IGF1R: variants seen among roughly 807,000 people sequenced by gnomAD.
The protein encoded by IGF1R is insulin-like growth factor 1 receptor.
In IGF1R, 44 loss-of-function variants were observed where a neutral mutation model predicts 144.6. The observed-to-expected ratio is 0.30, with a 90% CI of 0.24 to 0.39. The LOEUF is 0.39. IGF1R is among the 10% of genes least tolerant of loss of function. The pLI is 1.00. For missense variants in IGF1R, 1,355 were observed against 1,833.7 expected (o/e 0.74, Z 4.77); for synonymous variants, 795 against 722.8 (o/e 1.10, Z -1.60).
intron 2 of IGF1R, among the ~76,000 whole-genome samples, chr15:98,810,190 A>G (rs1263895010): frequency 2.6e-5 from 4 of 151,954 alleles, no homozygotes; most frequent in African/African-American, 9.7e-5. Context: ...AATCTCTGAG[A>G]AACTTGACTG....
At chr15:98,924,932 G>A (rs2015650561) in intron 13 of IGF1R, among the ~76,000 whole-genome samples, 1 of 120,484 alleles carries the variant, frequency 8.3e-6, no homozygotes, top group East Asian at 3.9e-4. Flanking sequence ...TCTCCTTTGA[G>A]GTTGTGTAAC....
intron 1 of IGF1R, among the ~76,000 whole-genome samples, chr15:98,697,740 T>G (rs2053627353): frequency 1.6e-5 from 1 of 62,078 alleles, no homozygotes; most frequent in Admixed American, 1.6e-4. Context: ...ACTTACCATC[T>G]TAACTTTTTT....
At position 98,913,289 on chromosome 15, in the gene IGF1R, A is replaced by C; in HGVS notation, c.1828+7A>C. On this transcript the variant is annotated splice_region_variant and intron_variant, in intron 8 of 20. Transcript: ENST00000650285. Reference sequence around the variant, plus strand: ...ATTCGCACCAATGCTTCAGGTATCCATGCCTAGACAAGCCCCCAGCATCCA... The same window carrying C: ...ATTCGCACCAATGCTTCAGGTATCCCTGCCTAGACAAGCCCCCAGCATCCA... The C allele has an allele frequency of 6.2e-7, 1 of 1,605,012 alleles. No individual in the cohort carries two copies. Among genetic ancestry groups the C allele is most frequent in the South Asian group, 1.1e-5 (1 of 90,906 alleles).
chr15:98,927,651 C>CT (rs2015773094), intron 13 of IGF1R, among the ~76,000 whole-genome samples: 1 of 152,154 alleles, frequency 6.6e-6, no homozygotes, highest in Non-Finnish European at 1.5e-5. Context: ...ATGATCACCT[C>CT]TGAGTGTTTT....
At chr15:98,701,412 C>T (rs938087520) in intron 1 of IGF1R, among the ~76,000 whole-genome samples, 4 of 134,390 alleles carry the variant, frequency 3.0e-5, no homozygotes, top group African/African-American at 1.1e-4. Context: ...TCTCAGCTCA[C>T]TGCAAGCTCC....
chr15:98,892,458 C>T (rs1186525434), intron 3 of IGF1R, among the ~76,000 whole-genome samples: 1 of 138,884 alleles, frequency 7.2e-6, no homozygotes, highest in Non-Finnish European at 1.5e-5. Flanking sequence ...ACCTGGGAGG[C>T]AGAGGTTGCA....
intron 15 of IGF1R, among the ~76,000 whole-genome samples, chr15:98,931,494 AAGC>A (rs1421698518): frequency 6.6e-6 from 1 of 152,320 alleles, no homozygotes; most frequent in Non-Finnish European, 1.5e-5. Flanking sequence ...AGTCAATCAA[AAGC>A]AGCCTCCTCT....
chr15:98,681,286 T>C (rs1238927063), intron 1 of IGF1R, among the ~76,000 whole-genome samples: 1 of 152,330 alleles, frequency 6.6e-6, no homozygotes, highest in Non-Finnish European at 1.5e-5. Flanking sequence ...TTGTTTCGCA[T>C]GTCTACCTGG....
At chr15:98,754,463 G>T (rs567009527) in intron 2 of IGF1R, among the ~76,000 whole-genome samples, 3 of 152,320 alleles carry the variant, frequency 2.0e-5, no homozygotes, top group African/African-American at 7.2e-5. Flanking sequence ...GAAGCTGAAG[G>T]TTGGTGTTGT....
At chr15:98,812,748 C>T (rs2056617248) in intron 2 of IGF1R, among the ~76,000 whole-genome samples, 1 of 152,130 alleles carries the variant, frequency 6.6e-6, no homozygotes, top group Non-Finnish European at 1.5e-5. Flanking sequence ...ACTAATTTGC[C>T]CTTGCCCCCA....
chr15:98,735,888 C>G (rs2054598220), intron 2 of IGF1R, among the ~76,000 whole-genome samples: 1 of 152,184 alleles, frequency 6.6e-6, no homozygotes, highest in Non-Finnish European at 1.5e-5. Flanking sequence ...CTCCAAGGCT[C>G]CTCCTGCCTC....
chr15:98,698,361 TGTTCA>T (rs1038066228), intron 1 of IGF1R, among the ~76,000 whole-genome samples: 12 of 152,202 alleles, frequency 7.9e-5, no homozygotes, highest in Admixed American at 2.0e-4. Context: ...CATTTTAAAG[TGTTCA>T]GTTTAAGTAC....
At chr15:98,828,780 T>TG (rs1336645677) in intron 2 of IGF1R, among the ~76,000 whole-genome samples, 4 of 151,832 alleles carry the variant, frequency 2.6e-5, no homozygotes, top group African/African-American at 9.7e-5. Context: ...CATGGTTTTT[T>TG]TTTTTTTTTT....
At chr15:98,789,078 G>C (rs754251595) in intron 2 of IGF1R, among the ~76,000 whole-genome samples, 14 of 152,140 alleles carry the variant, frequency 9.2e-5, no homozygotes, top group Non-Finnish European at 1.8e-4. Context: ...CAGTTTACTT[G>C]TTCCAGCTCA....
At chr15:98,916,184 T>C (rs2151681673) in intron 9 of IGF1R, 53 bp downstream of exon 9, 1 of 1,564,036 alleles carries the variant, frequency 6.4e-7, no homozygotes. Context: ...ATTCCTGTGG[T>C]TGTAATGTGC....
At chr15:98,738,274 G>A (rs1219662652) in intron 2 of IGF1R, among the ~76,000 whole-genome samples, 1 of 152,204 alleles carries the variant, frequency 6.6e-6, no homozygotes, top group Non-Finnish European at 1.5e-5. Context: ...GGACTCAAGG[G>A]ATCCTTCCGA....
Position 98,963,858 on chromosome 15 carries a change from T to TCTAA in IGF1R, c.*6419_*6422dup, listed in dbSNP as rs549716465. The TCTAA allele has an allele frequency of 2.8e-4, 65 of 233,078 alleles. No homozygotes were observed. The highest frequency in any genetic ancestry group is 4.5e-4 in the Non-Finnish European group (53 of 117,986). The allele number at this position is 233,078 out of a possible 1,614,324, so 14.4% of individuals were successfully genotyped here. A position where few individuals can be genotyped will look rare whatever the true frequency, so the allele number is the denominator to read the frequency against. The stretch of plus-strand genomic sequence containing the variant: ...TGGTTTTAAAGTTGACTCCACTTCC[T>TCTAA]CTAACTCCAGTGGATTGTTGGCCAT... On this transcript the variant is annotated 3_prime_UTR_variant, in exon 21 of 21. Coordinates refer to ENST00000650285, the MANE Select transcript of IGF1R (RefSeq NM_000875.5).
intron 1 of IGF1R, among the ~76,000 whole-genome samples, chr15:98,675,338 ATTG>A (rs1007090969): frequency 1.6e-4 from 25 of 152,138 alleles, no homozygotes; most frequent in African/African-American, 6.0e-4. Flanking sequence ...ATTATTGTGT[ATTG>A]TTGTTGATAC....
At chr15:98,955,628 C>G (rs1469380329) in intron 20 of IGF1R, among the ~76,000 whole-genome samples, 2 of 152,210 alleles carry the variant, frequency 1.3e-5, no homozygotes, top group Non-Finnish European at 2.9e-5. Flanking sequence ...CACCCAGGCC[C>G]ACCCTCCCTC....
Sources: allele counts gnomAD v4.1 joint callset (sites outside exome capture counted in the v4.1 genomes callset), GRCh38; gene constraint gnomAD v4.1.1; transcripts MANE v1.5; gene names NCBI Gene and HGNC (gene_info 2026-07-23, HGNC 2026-07-21).